Variants in CTNND2 observed in about 807,000 individuals in gnomAD.
CTNND2 encodes the protein catenin delta-2.
A neutral mutation model predicts 144.4 loss-of-function variants in CTNND2; 22 were observed. That is an observed-to-expected ratio of 0.15 (90% CI 0.11 to 0.22). CTNND2 has a LOEUF of 0.22. Ranked by LOEUF, CTNND2 falls within the 10% of genes least tolerant of loss-of-function variation. The probability of loss-of-function intolerance (pLI) is 1.00; values close to 1 mark genes in which losing one functional copy is unlikely to be tolerated. For missense variants in CTNND2, 1,353 were observed against 1,618.8 expected (o/e 0.84, Z 2.82); for synonymous variants, 751 against 695.6 (o/e 1.08, Z -1.25).
rs1367312721 is a variant in CTNND2, at chr5:11,444,856, C to T, written c.288-32787G>A. ...CTTGAGCTGTGCTGAGGTCCTGTGG[C>T]CAGCACTGGCACCCAGGGCCTGGAT... is the stretch of plus-strand genomic sequence containing the variant. On this transcript the variant is annotated intron_variant, in intron 3 of 21. Transcript: ENST00000304623. Among the ~76,000 whole-genome samples, 3 of 152,112 alleles carry T rather than the reference C, an allele frequency of 2.0e-5. No homozygotes were observed. The East Asian group carries it at 5.8e-4, about 29-fold the overall frequency.
chr5:11,795,052 A>G (rs1276774530), intron 1 of CTNND2, among the ~76,000 whole-genome samples: 1 of 152,218 alleles, frequency 6.6e-6, no homozygotes, highest in African/African-American at 2.4e-5. Flanking sequence ...ACAATAAATT[A>G]AAACGTTCTT....
intron 2 of CTNND2, among the ~76,000 whole-genome samples, chr5:11,576,983 G>A (rs1253558183): frequency 6.6e-6 from 1 of 152,154 alleles, no homozygotes; most frequent in Non-Finnish European, 1.5e-5. Flanking sequence ...AATACCCACA[G>A]TGTCGGAGTT....
chr5:11,586,141 T>C (rs1326983450), intron 2 of CTNND2, among the ~76,000 whole-genome samples: 1 of 152,210 alleles, frequency 6.6e-6, no homozygotes, highest in African/African-American at 2.4e-5. Context: ...TATTCATTTA[T>C]TAAAGGTTAT....
At chr5:11,637,016 G>A (rs778627389) in intron 2 of CTNND2, among the ~76,000 whole-genome samples, 1 of 152,046 alleles carries the variant, frequency 6.6e-6, no homozygotes, top group African/African-American at 2.4e-5. Context: ...GCATGAAAAG[G>A]AGTTATTACC....
At chr5:10,994,144 C>G (rs1739016988) in intron 18 of CTNND2, among the ~76,000 whole-genome samples, 1 of 144,466 alleles carries the variant, frequency 6.9e-6, no homozygotes. Flanking sequence ...AAACAATACA[C>G]AAGTTACAAA....
At chr5:11,888,788 C>T (rs539127666) in intron 1 of CTNND2, among the ~76,000 whole-genome samples, 1 of 150,976 alleles carries the variant, frequency 6.6e-6, no homozygotes, top group Admixed American at 6.6e-5. Context: ...ACTCTGTCAC[C>T]CAGGCTGGAG....
rs191744837 is a variant in CTNND2, at chr5:11,161,439, T to G, written c.1976-1680A>C. Among the ~76,000 whole-genome samples the G allele has an allele frequency of 1.1e-4, 17 of 152,324 alleles. No homozygotes were observed. The East Asian group carries it at 3.1e-3, about 28-fold the overall frequency. ...TATTCTGATTTGGACTGATTTGAAA[T>G]ACTAGGAATATTAACATATGCATCT... is the stretch of plus-strand genomic sequence containing the variant. On this transcript the variant is annotated intron_variant, in intron 11 of 21. Transcript: ENST00000304623.
chr5:11,666,999 G>C (rs1377479497), intron 2 of CTNND2, among the ~76,000 whole-genome samples: 1 of 151,772 alleles, frequency 6.6e-6, no homozygotes, highest in Non-Finnish European at 1.5e-5. Context: ...TGCCCACTTA[G>C]GAGTGAGAAC....
intron 8 of CTNND2, among the ~76,000 whole-genome samples, chr5:11,359,856 C>T (rs1437169595): frequency 6.6e-6 from 1 of 152,154 alleles, no homozygotes; most frequent in African/African-American, 2.4e-5. Flanking sequence ...TGGGTGATGG[C>T]ATGCCTGTTC....
intron 11 of CTNND2, among the ~76,000 whole-genome samples, chr5:11,180,582 C>A (rs997884170): frequency 2.0e-5 from 3 of 152,162 alleles, no homozygotes; most frequent in African/African-American, 7.2e-5. Context: ...ATGGTCCCTG[C>A]AAGCAGATGG....
chr5:11,494,671 AATACTTCTG>A (rs1769768398), intron 3 of CTNND2, among the ~76,000 whole-genome samples: 1 of 152,058 alleles, frequency 6.6e-6, no homozygotes, highest in Non-Finnish European at 1.5e-5. Context: ...GATGGCTCCC[AATACTTCTG>A]ATAGGTTTCA....
intron 9 of CTNND2, among the ~76,000 whole-genome samples, chr5:11,251,646 T>TCCTCACGA (rs1220641653): frequency 1.3e-5 from 2 of 152,196 alleles, no homozygotes; most frequent in Non-Finnish European, 2.9e-5. Flanking sequence ...AAACGAATCG[T>TCCTCACGA]CCTCACGACA....
chr5:11,264,053 G>C (rs1580743405), intron 9 of CTNND2, among the ~76,000 whole-genome samples: 3 of 152,308 alleles, frequency 2.0e-5, no homozygotes, highest in African/African-American at 7.2e-5. Context: ...GTTTTGCTAA[G>C]AGCATTCTGA....
chr5:11,429,245 C>T (rs1448545468), intron 3 of CTNND2, among the ~76,000 whole-genome samples: 1 of 152,148 alleles, frequency 6.6e-6, no homozygotes, highest in African/African-American at 2.4e-5. Context: ...TTTCCTTCTC[C>T]CTAATTAAGC....
chr5:11,826,287 T>C (rs934313980), intron 1 of CTNND2, among the ~76,000 whole-genome samples: 3 of 152,020 alleles, frequency 2.0e-5, no homozygotes, highest in African/African-American at 7.2e-5. Flanking sequence ...GCAGTAGACA[T>C]AGTAAATTTT....
chr5:11,666,077 C>T (rs1388622383), intron 2 of CTNND2, among the ~76,000 whole-genome samples: 12 of 152,076 alleles, frequency 7.9e-5, no homozygotes, highest in Non-Finnish European at 4.4e-5. Context: ...AGAATGATAG[C>T]CAAGAAGGAT....
intron 12 of CTNND2, among the ~76,000 whole-genome samples, chr5:11,133,501 C>T (rs1045423957): frequency 2.6e-5 from 4 of 152,030 alleles, no homozygotes; most frequent in Admixed American, 6.5e-5. Context: ...TACAGGCATG[C>T]ACCACCACGC....
intron 2 of CTNND2, among the ~76,000 whole-genome samples, chr5:11,714,227 G>C (rs1786212360): frequency 6.6e-6 from 1 of 152,140 alleles, no homozygotes; most frequent in African/African-American, 2.4e-5. Flanking sequence ...ATCAGAAACT[G>C]ACTGGAGTCG....
chr5:11,566,901 C>A (rs1777154462), intron 2 of CTNND2, among the ~76,000 whole-genome samples: 1 of 152,174 alleles, frequency 6.6e-6, no homozygotes, highest in African/African-American at 2.4e-5. Flanking sequence ...TCATGTAGAT[C>A]TGTATTTGCA....
Sources: gnomAD v4.1 joint callset for allele counts (sites outside exome capture counted in the v4.1 genomes callset) on GRCh38, gnomAD v4.1.1 for gene constraint, MANE v1.5 for transcripts, NCBI Gene and HGNC (gene_info 2026-07-23, HGNC 2026-07-21) for gene names.